Variants in UNC13C observed in about 807,000 individuals in gnomAD.
UNC13C encodes the protein unc-13 homolog C.
UNC13C carries 174 observed loss-of-function variants against 245.4 expected under a neutral mutation model. That is an observed-to-expected ratio of 0.71 (90% CI 0.63 to 0.80). The LOEUF (loss-of-function observed/expected upper bound fraction) is 0.80, where lower values mean the gene tolerates loss of function less well. Among genes scored for constraint, UNC13C ranks in the 30% least tolerant of loss-of-function variants. The probability of loss-of-function intolerance (pLI) is 0.00; values close to 1 mark genes in which losing one functional copy is unlikely to be tolerated. For synonymous variants in UNC13C, 992 were observed against 895.1 expected (o/e 1.11, Z -1.93); for missense variants, 2,829 against 2,602.9 (o/e 1.09, Z -1.89).
At chr15:54,389,892 C>G (rs1464803739) in intron 17 of UNC13C, among the ~76,000 whole-genome samples, 3 of 152,134 alleles carry the variant, frequency 2.0e-5, no homozygotes, top group Admixed American at 2.0e-4. Context: ...CCATGCCCAG[C>G]TAGTTTCTGC....
chr15:54,553,189 T>A (rs1477143421), intron 28 of UNC13C, among the ~76,000 whole-genome samples: 4 of 114,084 alleles, frequency 3.5e-5, no homozygotes, highest in Admixed American at 1.2e-4. Context: ...ACAATATATA[T>A]TATATACTGT....
chr15:54,621,043 A>T (rs1176441437), intron 30 of UNC13C, among the ~76,000 whole-genome samples: 1 of 152,150 alleles, frequency 6.6e-6, no homozygotes, highest in African/African-American at 2.4e-5. Flanking sequence ...TCTGTCTTCC[A>T]GTCCTTTTAT....
At chr15:54,412,194 A>G (rs2040429513) in intron 18 of UNC13C, among the ~76,000 whole-genome samples, 1 of 151,796 alleles carries the variant, frequency 6.6e-6, no homozygotes. Flanking sequence ...TGACAGAGTG[A>G]GACTTCATCT....
intron 19 of UNC13C, among the ~76,000 whole-genome samples, chr15:54,437,535 T>G (rs1369648147): frequency 6.6e-6 from 1 of 151,938 alleles, no homozygotes; most frequent in Non-Finnish European, 1.5e-5. Flanking sequence ...TCCCACATGT[T>G]CCATTTCTTC....
At chr15:54,449,267 C>A (rs1028922194) in intron 19 of UNC13C, among the ~76,000 whole-genome samples, 4 of 152,124 alleles carry the variant, frequency 2.6e-5, no homozygotes, top group African/African-American at 9.7e-5. Context: ...AGTTGCTCTT[C>A]TCAAGGAGTA....
chr15:54,402,999 T>C (rs983617953), intron 18 of UNC13C, among the ~76,000 whole-genome samples: 1 of 152,228 alleles, frequency 6.6e-6, no homozygotes, highest in African/African-American at 2.4e-5. Context: ...AATGCCTGCA[T>C]TGAGTAGGTG....
At chr15:54,154,617 C>G (rs1003041585) in intron 4 of UNC13C, among the ~76,000 whole-genome samples, 6 of 152,084 alleles carry the variant, frequency 3.9e-5, no homozygotes, top group African/African-American at 1.4e-4. Flanking sequence ...GTTTTTTCCC[C>G]TTATTTCTCA....
intron 5 of UNC13C, 24 bp downstream of exon 5, chr15:54,235,132 C>T: frequency 1.9e-6 from 3 of 1,604,078 alleles, no homozygotes; most frequent in Non-Finnish European, 2.6e-6. Context: ...GTTTAATTCT[C>T]TTCGATTGCA....
intron 2 of UNC13C, among the ~76,000 whole-genome samples, chr15:54,100,724 A>G (rs1219974309): frequency 1.3e-5 from 2 of 151,524 alleles, no homozygotes; most frequent in African/African-American, 2.4e-5. Context: ...CAAAAAATTC[A>G]TTAGCAATCC....
the UNC13C span, among the ~76,000 whole-genome samples, chr15:53,961,468 T>C: frequency 6.6e-6 from 1 of 152,230 alleles, no homozygotes; most frequent in Non-Finnish European, 1.5e-5. Flanking sequence ...GATTCTTTTG[T>C]CAGTGGGGCC....
chr15:54,531,364 T>G (rs1895727288), intron 25 of UNC13C, among the ~76,000 whole-genome samples: 1 of 152,194 alleles, frequency 6.6e-6, no homozygotes, highest in African/African-American at 2.4e-5. Flanking sequence ...CAGAACACCC[T>G]CAGTTAAACT....
chr15:53,984,999 G>A lies in UNC13C; in HGVS notation c.-257+6072G>A, dbSNP rs148544576. 2.2e-3 allele frequency among the ~76,000 whole-genome samples: 339 copies of A among 151,902 alleles called. 2 individuals carry two copies. Among genetic ancestry groups the A allele is most frequent in the African/African-American group, 7.8e-3 (323 of 41,426 alleles). On this transcript the variant is annotated intron_variant, in intron 1 of 32. Transcript: ENST00000260323. ...TCTTTATTTCTTCTAAAGAAAACAC[G>A]GGAATACATGTGCAGAACGTGCAGG...
chr15:54,014,294 G>A lies in UNC13C; in HGVS notation c.1391G>A (p.Ser464Asn). The A allele has an allele frequency of 6.2e-7, 1 of 1,613,892 alleles. No homozygotes were observed. ...EDLESDLNRN[S>N]YAVLSKSELL... ...CTTGAATCTGACCTCAATAGAAACA[G>A]TTACGCTGTGCTTTCCAAGTCAGAG... Residue 464 changes from serine to asparagine, a missense_variant, in exon 2 of 33, where the codon AGT becomes AAT. By Grantham distance (46) the Ser-to-Asn change is conservative. Coordinates refer to ENST00000260323, the MANE Select transcript of UNC13C (RefSeq NM_001080534.3).
chr15:54,423,692 T>C (rs2140963993), intron 19 of UNC13C, among the ~76,000 whole-genome samples: 1 of 152,000 alleles, frequency 6.6e-6, no homozygotes, highest in Non-Finnish European at 1.5e-5. Context: ...GAAAATAAAG[T>C]TGGTATTGGC....
At chr15:53,847,769 A>G in the UNC13C span, among the ~76,000 whole-genome samples, 1 of 152,262 alleles carries the variant, frequency 6.6e-6, no homozygotes, top group African/African-American at 2.4e-5. Flanking sequence ...ACAAATACCA[A>G]AGATGAAATA....
chr15:53,856,376 T>A, the UNC13C span, among the ~76,000 whole-genome samples: 1 of 136,602 alleles, frequency 7.3e-6, no homozygotes, highest in Non-Finnish European at 1.7e-5. Flanking sequence ...TCTCTAGTTT[T>A]TTTTTGTTGT....
intron 30 of UNC13C, among the ~76,000 whole-genome samples, chr15:54,616,679 CAAAAGGTTAAAAAATAGTTTACAAAGTA>C (rs1236492873): frequency 6.6e-6 from 1 of 151,868 alleles, no homozygotes; most frequent in Non-Finnish European, 1.5e-5. Context: ...ATGAAAGAGT[CAAAAGGTTAAAAAATAGTTTACAAAGTA>C]AAAGGTTACA....
At chr15:53,895,383 G>C in the UNC13C span, among the ~76,000 whole-genome samples, 26,734 of 142,608 alleles carry the variant, frequency 0.19, 2,728 homozygotes, top group East Asian at 0.29. Flanking sequence ...AAGAAATTTT[G>C]TGTCATGTAA....
At chr15:53,953,147 G>A in the UNC13C span, among the ~76,000 whole-genome samples, 8 of 152,250 alleles carry the variant, frequency 5.3e-5, no homozygotes, top group South Asian at 2.1e-4. Context: ...AAAGGATTTC[G>A]GAATGTACTT....
Sources: allele counts gnomAD v4.1 joint callset (sites outside exome capture counted in the v4.1 genomes callset), GRCh38; gene constraint gnomAD v4.1.1; transcripts MANE v1.5; gene names NCBI Gene and HGNC (gene_info 2026-07-23, HGNC 2026-07-21).